The following FANCA variants were observed in gnomAD, a reference collection of about 807,000 sequenced individuals.
FANCA encodes the protein FA complementation group A, also known as Fanconi anemia group A protein.
In FANCA, 236 loss-of-function variants were observed where a neutral mutation model predicts 194.3. That is an observed-to-expected ratio of 1.21 (90% CI 1.09 to 1.35). The LOEUF (loss-of-function observed/expected upper bound fraction) is 1.35, where lower values mean the gene tolerates loss of function less well. FANCA is among the 40% of genes most tolerant of loss of function. FANCA has a pLI of 0.00. For missense variants in FANCA, 2,628 were observed against 1,813.9 expected, an observed-to-expected ratio of 1.45 and a Z score of -8.15; for synonymous variants, 1,014 against 715.8, an observed-to-expected ratio of 1.42 and a Z score of -6.65.
chr16:89,754,199 G>C (rs1273772582), intron 30 of FANCA, among the ~76,000 whole-genome samples: 2 of 151,270 alleles, frequency 1.3e-5, no homozygotes, highest in East Asian at 4.0e-4. Flanking sequence ...TCCAGCCTGG[G>C]TGACAGAGCG....
intron 27 of FANCA, among the ~76,000 whole-genome samples, chr16:89,766,304 C>G (rs2039126211): frequency 6.6e-6 from 1 of 152,068 alleles, no homozygotes. Flanking sequence ...CTGAAAACCA[C>G]TATTTTATAC....
At position 89,761,996 on chromosome 16, in the gene FANCA, C is replaced by T. The variant is rs2143261123; in HGVS notation, c.2805G>A (p.Leu935=). 3 of 1,614,024 alleles carry T rather than the reference C, an allele frequency of 1.9e-6. No individual in the cohort carries two copies. Among genetic ancestry groups the T allele is most frequent in the Admixed American group, 1.7e-5 (1 of 60,010 alleles). Residue 935 remains leucine (L), a synonymous_variant, in exon 29 of 43, where the codon CTG becomes CTA. Transcript: ENST00000389301. The part of the protein sequence containing the change: ...VHLTYQDWLH[L]ELEIQPEADA... The stretch of plus-strand genomic sequence containing the variant: ...CAGCTTCAGGTTGAATTTCCAGCTC[C>T]AGGTGTAACCAGTCTTGGTAAGTTA...
At chr16:89,765,825 C>G (rs562895295) in intron 27 of FANCA, among the ~76,000 whole-genome samples, 23 of 152,304 alleles carry the variant, frequency 1.5e-4, no homozygotes, top group African/African-American at 5.3e-4. Context: ...AAACTTGGCA[C>G]CAGGGACAAA....
chr16:89,761,432 A>AAG (rs2038950078), intron 29 of FANCA, among the ~76,000 whole-genome samples: 1 of 151,572 alleles, frequency 6.6e-6, no homozygotes, highest in Non-Finnish European at 1.5e-5. Context: ...AAAAAAAAAA[A>AAG]AAAAAGAAAA....
intron 32 of FANCA, among the ~76,000 whole-genome samples, chr16:89,749,335 C>G (rs1007799872): frequency 6.6e-6 from 1 of 152,178 alleles, no homozygotes; most frequent in African/African-American, 2.4e-5. Context: ...GCCTCAGTCT[C>G]CCGAGTAGCT....
rs890755592 is a variant in FANCA at position 89,812,286 on chromosome 16, C to A, written c.284-1215G>T. On this transcript the variant is annotated intron_variant, in intron 3 of 42. Transcript: ENST00000389301. ...CCAGGAGGCGGAGTTTGCAGTGAGC[C>A]GAGATCACGCCACTACACTGCAGTC... is the stretch of plus-strand genomic sequence containing the variant. 2.0e-5 allele frequency among the ~76,000 whole-genome samples: 3 copies of A among 149,962 alleles called. No homozygotes were observed. The South Asian group carries it at 6.4e-4, about 32-fold the overall frequency.
At chr16:89,758,747 G>T (rs750764606) in intron 29 of FANCA, 42 bp from the exon 30 acceptor site, 2 of 1,608,734 alleles carry the variant, frequency 1.2e-6, no homozygotes, top group African/African-American at 2.7e-5. Context: ...GAAATGCTTC[G>T]TGGCCAGCGG....
At chr16:89,773,164 G>A in intron 22 of FANCA, 107 bp downstream of exon 22, 1 of 882,352 alleles carries the variant, frequency 1.1e-6, no homozygotes, top group Non-Finnish European at 1.8e-6. Context: ...TGGACTACTA[G>A]GAAGACACAC....
chr16:89,784,776 G>A (rs2039840945), intron 15 of FANCA, 78 bp downstream of exon 15: 2 of 1,091,698 alleles, frequency 1.8e-6, no homozygotes, highest in African/African-American at 3.1e-5. Flanking sequence ...GGAGGCTCTT[G>A]GGGAGGCCAA....
At chr16:89,749,976 A>C in intron 31 of FANCA, 74 bp from the exon 32 acceptor site, 1 of 1,528,964 alleles carries the variant, frequency 6.5e-7, no homozygotes, top group Non-Finnish European at 9.0e-7. Context: ...CCCAGACGTC[A>C]GGGGTCAGGG....
chr16:89,742,942 G>C lies in FANCA; in HGVS notation c.3627-4C>G, dbSNP rs2062172483. 2 of 1,613,610 alleles carry C rather than the reference G, an allele frequency of 1.2e-6. No homozygotes were observed. The highest frequency in any genetic ancestry group is 1.1e-5 in the South Asian group (1 of 91,066). On this transcript the variant is annotated splice_polypyrimidine_tract_variant and splice_region_variant and intron_variant, in intron 36 of 42. Transcript: ENST00000389301. ...GGCAGCCTCAGGGGAGAGGAAACTG[G>C]GACAGAGAGAACGGGGTCATTGCAG... is the stretch of plus-strand genomic sequence containing the variant.
At chr16:89,778,656 A>AAAGAAACCAACCAATTTTGG in intron 20 of FANCA, 145 bp downstream of exon 20, 1 of 647,240 alleles carries the variant, frequency 1.5e-6, no homozygotes, top group Non-Finnish European at 2.6e-6. Flanking sequence ...AAAAAAAAAA[A>AAAGAAACCAACCAATTTTGG]AGTAACCAAC....
intron 12 of FANCA, 144 bp from the exon 13 acceptor site, chr16:89,792,212 A>G: frequency 1.9e-6 from 2 of 1,035,598 alleles, no homozygotes; most frequent in Non-Finnish European, 1.5e-6. Flanking sequence ...GACAGCTCAC[A>G]CCGTGGCGTC....
At chr16:89,802,591 G>C (rs1247379869) in intron 8 of FANCA, among the ~76,000 whole-genome samples, 1 of 151,648 alleles carries the variant, frequency 6.6e-6, no homozygotes, top group African/African-American at 2.4e-5. Flanking sequence ...TTTTAGTAGA[G>C]ACGGGATTTT....
At chr16:89,740,213 TA>T in intron 38 of FANCA, 114 bp from the exon 39 acceptor site, 1 of 891,160 alleles carries the variant, frequency 1.1e-6, no homozygotes, top group Middle Eastern at 3.2e-4. Flanking sequence ...TTGTAAGTCT[TA>T]AAACTGGTGA....
At chr16:89,801,366 A>G (rs1198866456) in intron 8 of FANCA, among the ~76,000 whole-genome samples, 2 of 149,982 alleles carry the variant, frequency 1.3e-5, no homozygotes, top group Non-Finnish European at 3.0e-5. Context: ...AAAAAAGCCA[A>G]TGTCACTAAT....
chr16:89,785,033 T>C (rs1385268721), intron 14 of FANCA, 69 bp from the exon 15 acceptor site: 2 of 1,123,530 alleles, frequency 1.8e-6, no homozygotes, highest in Non-Finnish European at 2.7e-6. Context: ...CAGTGTCCTG[T>C]GTGGAGAGAA....
In FANCA at chr16:89,738,406, C is replaced by T; in HGVS notation, c.*195G>A. On this transcript the variant is annotated 3_prime_UTR_variant, in exon 43 of 43. Transcript: ENST00000389301. ...CCGGCTCAAGTAGCCTTCCTCTGCTCTGGGACCAGTGGTTTATTTTCCCGC... is the reference window on the plus strand; with the variant it reads ...CCGGCTCAAGTAGCCTTCCTCTGCTTTGGGACCAGTGGTTTATTTTCCCGC... 7 of 1,378,100 alleles carry T rather than the reference C, an allele frequency of 5.1e-6. No individual in the cohort carries two copies. The South Asian group carries it at 5.4e-5, about 11-fold the overall frequency. The allele number at this position is 1,378,100 out of a possible 1,614,324, so 85.4% of individuals were successfully genotyped here. A position where few individuals can be genotyped will look rare whatever the true frequency, so the allele number is the denominator to read the frequency against.
chr16:89,788,115 G>A (rs569750456), intron 14 of FANCA, among the ~76,000 whole-genome samples: 63 of 152,126 alleles, frequency 4.1e-4, no homozygotes, highest in African/African-American at 1.5e-3. Flanking sequence ...TCAAGCAATC[G>A]GCCCACCTCG....
Sources: allele counts gnomAD v4.1 joint callset (sites outside exome capture counted in the v4.1 genomes callset), GRCh38; gene constraint gnomAD v4.1.1; transcripts MANE v1.5; gene names NCBI Gene and HGNC (gene_info 2026-07-23, HGNC 2026-07-21).